Variants in PPP3CC observed in about 807,000 individuals in gnomAD.
PPP3CC encodes protein phosphatase 3 catalytic subunit gamma, also known as serine/threonine-protein phosphatase 2B catalytic subunit gamma isoform.
In PPP3CC, 35 loss-of-function variants were observed where a neutral mutation model predicts 60.3. The observed-to-expected ratio is 0.58, with a 90% CI of 0.44 to 0.77. The LOEUF is 0.77. PPP3CC is among the 30% of genes least tolerant of loss of function. The probability of loss-of-function intolerance (pLI) is 0.00; values close to 1 mark genes in which losing one functional copy is unlikely to be tolerated. For missense variants in PPP3CC, 570 were observed against 628.9 expected, an observed-to-expected ratio of 0.91 and a Z score of 1.00; for synonymous variants, 206 against 224.3, an observed-to-expected ratio of 0.92 and a Z score of 0.73.
intron 3 of PPP3CC, among the ~76,000 whole-genome samples, chr8:22,479,125 G>T (rs1340109888): frequency 6.6e-6 from 1 of 152,020 alleles, no homozygotes; most frequent in Admixed American, 6.6e-5. Flanking sequence ...GTATACACTT[G>T]AAAAATAATT....
At chr8:22,495,141 G>T (rs572077517) in intron 3 of PPP3CC, among the ~76,000 whole-genome samples, 1 of 152,228 alleles carries the variant, frequency 6.6e-6, no homozygotes, top group South Asian at 2.1e-4. Flanking sequence ...TAGAGATGGG[G>T]TCTTGCTGTA....
chr8:22,536,728 C>G (rs1461739672), intron 12 of PPP3CC, among the ~76,000 whole-genome samples: 2 of 152,162 alleles, frequency 1.3e-5, no homozygotes, highest in Admixed American at 1.3e-4. Flanking sequence ...ATTGGAGTCT[C>G]AGTTCCACCA....
At chr8:22,477,056 C>A (rs542125602) in intron 3 of PPP3CC, among the ~76,000 whole-genome samples, 87 of 152,116 alleles carry the variant, frequency 5.7e-4, no homozygotes, top group African/African-American at 1.8e-3. Flanking sequence ...TCCTTCTGCT[C>A]CGTAAATGTC....
chr8:22,502,518 T>C (rs1021105128), intron 4 of PPP3CC, among the ~76,000 whole-genome samples: 1 of 152,040 alleles, frequency 6.6e-6, no homozygotes, highest in Admixed American at 6.6e-5. Flanking sequence ...TAAGACTCTC[T>C]CTCTACAAAA....
At chr8:22,468,365 G>A (rs1261086151) in intron 1 of PPP3CC, among the ~76,000 whole-genome samples, 2 of 152,212 alleles carry the variant, frequency 1.3e-5, no homozygotes, top group African/African-American at 2.4e-5. Flanking sequence ...TTGGCCTCCC[G>A]AAGTGCTGTG....
chr8:22,478,648 A>G (rs923105369), intron 3 of PPP3CC, among the ~76,000 whole-genome samples: 2 of 152,142 alleles, frequency 1.3e-5, no homozygotes, highest in African/African-American at 4.8e-5. Context: ...TCATCAATAA[A>G]GTTTCTTGAG....
At chr8:22,468,715 A>T (rs576278860) in intron 1 of PPP3CC, among the ~76,000 whole-genome samples, 1 of 152,166 alleles carries the variant, frequency 6.6e-6, no homozygotes, top group Non-Finnish European at 1.5e-5. Flanking sequence ...TTTAAAATGG[A>T]CTCTGATTTA....
At chr8:22,513,810 A>C (rs1839160796) in intron 6 of PPP3CC, among the ~76,000 whole-genome samples, 1 of 152,208 alleles carries the variant, frequency 6.6e-6, no homozygotes, top group African/African-American at 2.4e-5. Flanking sequence ...GTATTTTCAA[A>C]AGCTCTCCAA....
rs559216361 is a variant in PPP3CC at position 22,506,805 on chromosome 8, G to T, written c.485-4281G>T. Among the ~76,000 whole-genome samples the T allele has an allele frequency of 4.6e-5, 7 of 152,114 alleles. No individual in the cohort carries two copies. The East Asian group carries it at 5.8e-4, about 13-fold the overall frequency. ...AAATAAAAAAAAATTAGCCGGGTGTGGTGGTGGGTGCCTGTAGTCCCAGCT... is the reference window on the plus strand; with the variant it reads ...AAATAAAAAAAAATTAGCCGGGTGTTGTGGTGGGTGCCTGTAGTCCCAGCT... On this transcript the variant is annotated intron_variant, in intron 4 of 13. Coordinates refer to ENST00000240139, the MANE Select transcript of PPP3CC (RefSeq NM_005605.5).
chr8:22,511,365 C>G, intron 5 of PPP3CC, 134 bp downstream of exon 5: 1 of 937,176 alleles, frequency 1.1e-6, no homozygotes. Context: ...TCTCAGCTCA[C>G]TGCAACCTCC....
At position 22,483,157 on chromosome 8, in the gene PPP3CC, A is replaced by G. The variant is rs370122561; in HGVS notation, c.372+7533A>G. On this transcript the variant is annotated intron_variant, in intron 3 of 13. Transcript: ENST00000240139. ...TTGCAGTTTTACTAAGAGAATGTCA[A>G]TACTTTAAGAAAAGCCCTGTTCTAC... Among the ~76,000 whole-genome samples the G allele has an allele frequency of 2.0e-4, 30 of 152,358 alleles. 1 individual carries two copies. The highest frequency in any genetic ancestry group is 1.9e-3 in the East Asian group (10 of 5,192).
intron 2 of PPP3CC, 119 bp downstream of exon 2, chr8:22,475,270 A>G: frequency 9.4e-7 from 1 of 1,058,970 alleles, no homozygotes; most frequent in Non-Finnish European, 1.4e-6. Context: ...AAATTATGAG[A>G]CAGTCAGGAT....
chr8:22,532,967 G>A lies in PPP3CC; in HGVS notation c.1270G>A (p.Gly424Ser). The A allele has an allele frequency of 6.2e-7, 1 of 1,606,456 alleles. No individual in the cohort carries two copies. The highest frequency in any genetic ancestry group is 8.5e-7 in the Non-Finnish European group (1 of 1,176,080). The change falls in exon 12 of 14, where the codon GGC becomes AGC. Residue 424 changes from glycine (G) to serine (S), a missense_variant. Physicochemically the swap from Gly to Ser is moderately conservative, Grantham distance 56. Coordinates refer to ENST00000240139, the MANE Select transcript of PPP3CC (RefSeq NM_005605.5). ...VLTLKGLTPT[G>S]TLPLGVLSGG... Reference sequence around the variant, plus strand: ...GACTCTCAAGGGCCTGACTCCCACAGGCACACTCCCTCTGGGCGTCCTCTC... The same window carrying A: ...GACTCTCAAGGGCCTGACTCCCACAAGCACACTCCCTCTGGGCGTCCTCTC...
intron 1 of PPP3CC, among the ~76,000 whole-genome samples, chr8:22,464,376 C>A (rs1837453131): frequency 6.6e-6 from 1 of 151,972 alleles, no homozygotes; most frequent in African/African-American, 2.4e-5. Context: ...TTAACAATTT[C>A]TTATTATTTA....
chr8:22,489,514 G>A (rs1586826057), intron 3 of PPP3CC, among the ~76,000 whole-genome samples: 2 of 148,612 alleles, frequency 1.3e-5, no homozygotes, highest in East Asian at 3.9e-4. Flanking sequence ...GATCTAACAT[G>A]GAGATGCACA....
chr8:22,533,212 T>C (rs116639399), intron 12 of PPP3CC, among the ~76,000 whole-genome samples, 194 bp downstream of exon 12: 1 of 152,144 alleles, frequency 6.6e-6, no homozygotes, highest in African/African-American at 2.4e-5. Context: ...ATAACTTCAG[T>C]GTAAAAAGCA....
At chr8:22,538,175 A>C (rs1463384754) in intron 12 of PPP3CC, among the ~76,000 whole-genome samples, 1 of 152,200 alleles carries the variant, frequency 6.6e-6, no homozygotes, top group Non-Finnish European at 1.5e-5. Context: ...GTGAATAGCA[A>C]TTCTGGGAGG....
At position 22,475,620 on chromosome 8, in the gene PPP3CC, T is replaced by C; in HGVS notation, c.368T>C (p.Ile123Thr). The change falls in exon 3 of 14, where the codon ATA becomes ACA. Residue 123 changes from isoleucine (I) to threonine (T), a missense_variant. Transcript: ENST00000240139. ...GDYVDRGYFS[I>T]ECVLYLWSLK... ...TATGTGGACAGAGGCTATTTCAGTA[T>C]AGAGGTAAAAATTAAACTGGATATG... The C allele has an allele frequency of 6.2e-7, 1 of 1,611,790 alleles. No individual in the cohort carries two copies. Among genetic ancestry groups the C allele is most frequent in the Non-Finnish European group, 8.5e-7 (1 of 1,178,936 alleles).
chr8:22,473,878 C>G (rs1333462171), intron 1 of PPP3CC, among the ~76,000 whole-genome samples: 1 of 151,966 alleles, frequency 6.6e-6, no homozygotes, highest in Non-Finnish European at 1.5e-5. Context: ...AAGCTACTGC[C>G]TTTTGTTTTA....
Sources: gnomAD v4.1 joint callset for allele counts (sites outside exome capture counted in the v4.1 genomes callset) on GRCh38, gnomAD v4.1.1 for gene constraint, MANE v1.5 for transcripts, NCBI Gene and HGNC (gene_info 2026-07-23, HGNC 2026-07-21) for gene names.